The following MOXD1 variants were observed in gnomAD, a reference collection of about 807,000 sequenced individuals.
MOXD1 encodes the protein monooxygenase DBH like 1.
A neutral mutation model predicts 66.6 loss-of-function variants in MOXD1; 62 were observed. The ratio of observed to expected loss-of-function variants is 0.93; its 90% confidence interval spans 0.76 to 1.15. The LOEUF is 1.15. Among genes scored for constraint, MOXD1 ranks in the 50% most tolerant of loss-of-function variants. The pLI, the probability that MOXD1 is intolerant of heterozygous loss-of-function variation, is 0.00. For synonymous variants in MOXD1, 303 were observed against 281.9 expected, an observed-to-expected ratio of 1.07 and a Z score of -0.75; for missense variants, 847 against 754.6, an observed-to-expected ratio of 1.12 and a Z score of -1.44.
At chr6:132,344,474 G>T (rs1039992640) in intron 4 of MOXD1, among the ~76,000 whole-genome samples, 6 of 152,132 alleles carry the variant, frequency 3.9e-5, no homozygotes, top group Non-Finnish European at 5.9e-5. Context: ...AGATAGGGGC[G>T]GGTCCCTGGT....
At chr6:132,344,053 A>C (rs1582584297) in intron 4 of MOXD1, among the ~76,000 whole-genome samples, 2 of 152,234 alleles carry the variant, frequency 1.3e-5, no homozygotes, top group South Asian at 4.1e-4. Context: ...TATTGATTTC[A>C]TATGTATAGA....
At chr6:132,306,113 T>C (rs1195663033) in intron 10 of MOXD1, among the ~76,000 whole-genome samples, 2 of 152,004 alleles carry the variant, frequency 1.3e-5, no homozygotes, top group African/African-American at 4.8e-5. Flanking sequence ...GCTAAGAACC[T>C]TCATAAAAGG....
At chr6:132,345,507 T>A (rs1775651755) in intron 4 of MOXD1, among the ~76,000 whole-genome samples, 1 of 152,202 alleles carries the variant, frequency 6.6e-6, no homozygotes, top group African/African-American at 2.4e-5. Context: ...AAATGTTAGT[T>A]CTCATAATCT....
chr6:132,311,953 G>C (rs941134290), intron 10 of MOXD1, among the ~76,000 whole-genome samples: 11 of 152,102 alleles, frequency 7.2e-5, no homozygotes, highest in African/African-American at 2.6e-4. Flanking sequence ...AAGAGGAAGA[G>C]AAACAGCTAT....
intron 9 of MOXD1, among the ~76,000 whole-genome samples, chr6:132,318,528 C>G (rs1478065071): frequency 1.3e-5 from 2 of 151,994 alleles, no homozygotes; most frequent in Non-Finnish European, 2.9e-5. Context: ...TGCTTCTCTT[C>G]TGTTACTGAC....
chr6:132,396,817 A>C (rs541912509), intron 1 of MOXD1, among the ~76,000 whole-genome samples: 3 of 152,346 alleles, frequency 2.0e-5, no homozygotes, highest in African/African-American at 7.2e-5. Flanking sequence ...ACCAAGACTG[A>C]ATCAAGAAGA....
At chr6:132,327,839 T>G (rs1012775156) in intron 6 of MOXD1, among the ~76,000 whole-genome samples, 174 bp downstream of exon 6, 1 of 152,200 alleles carries the variant, frequency 6.6e-6, no homozygotes, top group Admixed American at 6.5e-5. Flanking sequence ...TGTTACAGTA[T>G]AATTATAAAT....
At chr6:132,302,486 AC>A (rs948423683) in intron 10 of MOXD1, among the ~76,000 whole-genome samples, 3 of 151,950 alleles carry the variant, frequency 2.0e-5, no homozygotes, top group Non-Finnish European at 4.4e-5. Flanking sequence ...ACTTAAAAAA[AC>A]ATATTATTAA....
Position 132,323,925 on chromosome 6 carries a change from G to C in MOXD1, c.1113+6C>G, listed in dbSNP as rs1488046000. On this transcript the variant is annotated splice_donor_region_variant and intron_variant, in intron 7 of 11. Coordinates refer to ENST00000367963, the MANE Select transcript of MOXD1 (RefSeq NM_015529.4). ...AGAGAGCAGCTCAGACTCAGATGCT[G>C]CATACCTCTTCCAGGCACTCCAAAG... 6.3e-7 allele frequency: 1 copy of C among 1,599,220 alleles called. No individual in the cohort carries two copies. Among genetic ancestry groups the C allele is most frequent in the Non-Finnish European group, 8.5e-7 (1 of 1,175,064 alleles).
rs1775659668 is a variant in MOXD1 at position 132,345,885 on chromosome 6, C to G, written c.664-17291G>C. 2.0e-5 allele frequency among the ~76,000 whole-genome samples: 3 copies of G among 151,988 alleles called. No homozygotes were observed. The Middle Eastern group carries it at 0.01, about 517-fold the overall frequency. On this transcript the variant is annotated intron_variant, in intron 4 of 11. Transcript: ENST00000367963. The stretch of plus-strand genomic sequence containing the variant: ...AAATGACAGATGCCAGTACATGTGG[C>G]TTTACCTCCAACCAGTTACATCTCC...
At chr6:132,300,445 G>A (rs1456668511) in intron 10 of MOXD1, among the ~76,000 whole-genome samples, 1 of 152,044 alleles carries the variant, frequency 6.6e-6, no homozygotes, top group Non-Finnish European at 1.5e-5. Context: ...TGCCTAATTT[G>A]AAAAAGAGAA....
At chr6:132,362,645 T>C (rs1383821696) in intron 4 of MOXD1, among the ~76,000 whole-genome samples, 2 of 152,170 alleles carry the variant, frequency 1.3e-5, no homozygotes, top group African/African-American at 2.4e-5. Flanking sequence ...TACAGATCGT[T>C]ATAGCAAAGG....
At chr6:132,312,603 T>G (rs1336136903) in intron 10 of MOXD1, among the ~76,000 whole-genome samples, 1 of 151,916 alleles carries the variant, frequency 6.6e-6, no homozygotes, top group South Asian at 2.1e-4. Flanking sequence ...TTGTCCTTTT[T>G]TTTTTTCTTT....
chr6:132,382,526 T>C (rs1776532238), intron 1 of MOXD1, among the ~76,000 whole-genome samples: 1 of 152,142 alleles, frequency 6.6e-6, no homozygotes, highest in Non-Finnish European at 1.5e-5. Context: ...ATTATGTATT[T>C]AGCTTGTTTA....
chr6:132,336,294 C>T (rs189883920), intron 4 of MOXD1, among the ~76,000 whole-genome samples: 1 of 152,156 alleles, frequency 6.6e-6, no homozygotes, highest in Non-Finnish European at 1.5e-5. Flanking sequence ...CAAGTTGCTG[C>T]CCACATAAAA....
At chr6:132,345,511 A>G (rs937930352) in intron 4 of MOXD1, among the ~76,000 whole-genome samples, 1 of 152,192 alleles carries the variant, frequency 6.6e-6, no homozygotes, top group African/African-American at 2.4e-5. Flanking sequence ...GTTAGTTCTC[A>G]TAATCTCCAT....
At chr6:132,298,372 T>C (rs2114519056) in intron 10 of MOXD1, among the ~76,000 whole-genome samples, 1 of 152,278 alleles carries the variant, frequency 6.6e-6, no homozygotes, top group South Asian at 2.1e-4. Flanking sequence ...AGTCTCACAA[T>C]TCTACATTAA....
rs1230084737 is a variant in MOXD1, at chr6:132,303,708, T to TACACACACACAC, written c.1509-5765_1509-5754dup. Among the ~76,000 whole-genome samples, 143 of 135,972 alleles carry TACACACACACAC rather than the reference T, an allele frequency of 1.1e-3. 1 individual carries two copies. Among genetic ancestry groups the TACACACACACAC allele is most frequent in the African/African-American group, 3.6e-3 (129 of 36,180 alleles). 89.2% of individuals were successfully genotyped at this position (135,972 alleles called of 152,430 possible). ...GAAAGCAGAGGGCTGACTGTATACA[T>TACACACACACAC]ACACACACACACACACACACACACA... On this transcript the variant is annotated intron_variant, in intron 10 of 11. Coordinates refer to ENST00000367963, the MANE Select transcript of MOXD1 (RefSeq NM_015529.4).
chr6:132,327,999 A>C lies in MOXD1; in HGVS notation c.946+14T>G, dbSNP rs1775223897. 1.3e-6 allele frequency: 2 copies of C among 1,594,690 alleles called. No homozygotes were observed. The highest frequency in any genetic ancestry group is 3.4e-5 in the Admixed American group (2 of 59,276). ...ATAAAAATCATAGGTAAAACATATG[A>C]ATAATAAACTCACCTTCCTCATAAG... On this transcript the variant is annotated intron_variant, in intron 6 of 11. Coordinates refer to ENST00000367963, the MANE Select transcript of MOXD1 (RefSeq NM_015529.4).
Sources: gnomAD v4.1 joint callset for allele counts (sites outside exome capture counted in the v4.1 genomes callset) on GRCh38, gnomAD v4.1.1 for gene constraint, MANE v1.5 for transcripts, NCBI Gene and HGNC (gene_info 2026-07-23, HGNC 2026-07-21) for gene names.